DPYD: variants seen among roughly 807,000 people sequenced by gnomAD.
The protein encoded by DPYD is dihydropyrimidine dehydrogenase [NADP(+)].
Under a neutral mutation model 116.2 loss-of-function variants are expected in DPYD, and 109 were observed. The observed-to-expected ratio is 0.94, with a 90% CI of 0.80 to 1.10. The LOEUF (loss-of-function observed/expected upper bound fraction) is 1.10, where lower values mean the gene tolerates loss of function less well. Ranked by LOEUF, DPYD falls within the 50% of genes least tolerant of loss-of-function variation. The pLI is 0.00. For missense variants in DPYD, 1,302 were observed against 1,254.5 expected, an observed-to-expected ratio of 1.04 and a Z score of -0.57; for synonymous variants, 440 against 432.0, an observed-to-expected ratio of 1.02 and a Z score of -0.23.
chr1:97,328,316 C>A (rs1668807559), intron 16 of DPYD, among the ~76,000 whole-genome samples: 2 of 152,070 alleles, frequency 1.3e-5, no homozygotes, highest in Admixed American at 1.3e-4. Flanking sequence ...ATGGTTATTT[C>A]TAAATAATTA....
chr1:97,906,366 A>C (rs1027791105), intron 1 of DPYD, among the ~76,000 whole-genome samples: 10 of 152,058 alleles, frequency 6.6e-5, no homozygotes, highest in African/African-American at 2.4e-4. Context: ...CATCATCCCC[A>C]AGTACTTATG....
At chr1:97,897,573 G>A (rs576245138) in intron 1 of DPYD, among the ~76,000 whole-genome samples, 19 of 151,736 alleles carry the variant, frequency 1.3e-4, no homozygotes, top group Admixed American at 2.0e-4. Context: ...CTCTCTCTGT[G>A]TTTCATTTTA....
chr1:97,471,568 G>C (rs1340860777), intron 13 of DPYD, among the ~76,000 whole-genome samples: 1 of 150,606 alleles, frequency 6.6e-6, no homozygotes, highest in Non-Finnish European at 1.5e-5. Flanking sequence ...CAGTAAATTA[G>C]TATGGGATGT....
intron 20 of DPYD, among the ~76,000 whole-genome samples, chr1:97,142,210 T>C (rs1189172449): frequency 1.3e-5 from 2 of 152,170 alleles, no homozygotes; most frequent in African/African-American, 2.4e-5. Flanking sequence ...TCAAAGAGTA[T>C]TGGGCCTTTT....
intron 3 of DPYD, among the ~76,000 whole-genome samples, chr1:97,827,417 AT>A (rs1406373069): frequency 6.6e-6 from 1 of 152,104 alleles, no homozygotes; most frequent in Non-Finnish European, 1.5e-5. Flanking sequence ...TCTGTGGATG[AT>A]GAGTTTTATT....
chr1:97,702,915 C>A (rs1661685560), intron 5 of DPYD, among the ~76,000 whole-genome samples: 1 of 151,948 alleles, frequency 6.6e-6, no homozygotes, highest in African/African-American at 2.4e-5. Context: ...AAGTACCCAA[C>A]ACAGAGTTAA....
At chr1:97,881,687 G>A (rs575410279) in intron 2 of DPYD, among the ~76,000 whole-genome samples, 9 of 151,908 alleles carry the variant, frequency 5.9e-5, no homozygotes, top group Admixed American at 3.3e-4. Flanking sequence ...TCTCCATTTC[G>A]AAATAAAGTC....
At chr1:97,768,677 A>G (rs1462392121) in intron 3 of DPYD, among the ~76,000 whole-genome samples, 1 of 152,168 alleles carries the variant, frequency 6.6e-6, no homozygotes, top group Admixed American at 6.6e-5. Context: ...TAAATGCTCC[A>G]CATTTTTTGC....
At chr1:97,581,116 T>C (rs543171831) in intron 10 of DPYD, among the ~76,000 whole-genome samples, 1 of 151,822 alleles carries the variant, frequency 6.6e-6, no homozygotes, top group African/African-American at 2.4e-5. Flanking sequence ...CCATCCTGGC[T>C]AGCACGGTGA....
At chr1:97,517,026 T>G (rs976956216) in intron 12 of DPYD, among the ~76,000 whole-genome samples, 3 of 152,104 alleles carry the variant, frequency 2.0e-5, no homozygotes, top group Non-Finnish European at 4.4e-5. Flanking sequence ...GTGTGTCTTG[T>G]GTAGATAAAG....
Position 97,450,236 on chromosome 1 carries a change from T to C in DPYD, c.1741-13A>G, listed in dbSNP as rs768149827. 30 of 1,613,040 alleles carry C rather than the reference T, an allele frequency of 1.9e-5. No homozygotes were observed. Among genetic ancestry groups the C allele is most frequent in the Middle Eastern group, 3.3e-4 (2 of 6,072 alleles). On this transcript the variant is annotated splice_polypyrimidine_tract_variant and intron_variant, in intron 13 of 22. Transcript: ENST00000370192. ...TTGTCACAATGTCCTGATGAAAGAG[T>C]AAAGATATTGAGTCTCCTTTTGACA...
intron 12 of DPYD, among the ~76,000 whole-genome samples, chr1:97,529,630 C>T (rs1041754200): frequency 4.6e-5 from 7 of 152,078 alleles, no homozygotes; most frequent in African/African-American, 1.7e-4. Flanking sequence ...ACTTGTGTCC[C>T]TTTATTGTTG....
intron 22 of DPYD, among the ~76,000 whole-genome samples, chr1:97,081,717 C>CTTTTTTTTT (rs371355751): frequency 7.3e-6 from 1 of 136,466 alleles, no homozygotes; most frequent in Non-Finnish European, 1.6e-5. Flanking sequence ...CTTTTCTTTT[C>CTTTTTTTTT]TTTTTTTTTT....
intron 7 of DPYD, among the ~76,000 whole-genome samples, chr1:97,686,068 C>T (rs761457972): frequency 8.6e-5 from 13 of 152,040 alleles, no homozygotes; most frequent in Middle Eastern, 6.8e-3. Context: ...TCATGCTACC[C>T]GACTTCAAAC....
chr1:97,253,663 C>T (rs750171364), intron 18 of DPYD, among the ~76,000 whole-genome samples: 11 of 152,060 alleles, frequency 7.2e-5, no homozygotes, highest in Non-Finnish European at 1.3e-4. Flanking sequence ...CAAGGTATTA[C>T]TTTGACAAAT....
chr1:97,750,343 G>T (rs999062645), intron 3 of DPYD, among the ~76,000 whole-genome samples: 1 of 151,786 alleles, frequency 6.6e-6, no homozygotes, highest in Admixed American at 6.6e-5. Flanking sequence ...AATAAAATAG[G>T]TTATTTGTTC....
At chr1:97,291,947 A>G (rs1196823010) in intron 18 of DPYD, among the ~76,000 whole-genome samples, 1 of 152,156 alleles carries the variant, frequency 6.6e-6, no homozygotes, top group Admixed American at 6.5e-5. Context: ...TATATTTTTC[A>G]TTTCATTCTC....
intron 19 of DPYD, among the ~76,000 whole-genome samples, chr1:97,195,634 G>GTATATATATATATATA (rs71071637): frequency 1.9e-4 from 11 of 57,724 alleles, no homozygotes; most frequent in Non-Finnish European, 2.6e-4. Flanking sequence ...ATATGTATGT[G>GTATATATATATATATA]TATATATATA....
chr1:97,150,547 T>C (rs1314958066), intron 20 of DPYD, among the ~76,000 whole-genome samples: 1 of 152,172 alleles, frequency 6.6e-6, no homozygotes, highest in Non-Finnish European at 1.5e-5. Flanking sequence ...CACCCAGGCA[T>C]TTTCTTGTGG....
Sources: allele counts gnomAD v4.1 joint callset (sites outside exome capture counted in the v4.1 genomes callset), GRCh38; gene constraint gnomAD v4.1.1; transcripts MANE v1.5; gene names NCBI Gene and HGNC (gene_info 2026-07-23, HGNC 2026-07-21).